The following IQCM variants were observed in gnomAD, a reference collection of about 807,000 sequenced individuals.
The protein encoded by IQCM is IQ domain-containing protein M.
Under a neutral mutation model 57.6 loss-of-function variants are expected in IQCM, and 45 were observed. That is an observed-to-expected ratio of 0.78 (90% CI 0.62 to 1.00). The LOEUF (loss-of-function observed/expected upper bound fraction) is 1.00. IQCM is among the 50% of genes least tolerant of loss of function. The pLI, the probability that IQCM is intolerant of heterozygous loss-of-function variation, is 0.00. For missense variants in IQCM, 468 were observed against 511.6 expected (o/e 0.91, Z 0.82); for synonymous variants, 148 against 158.9 (o/e 0.93, Z 0.51).
chr4:149,456,688 G>C (rs1433119169), intron 12 of IQCM, among the ~76,000 whole-genome samples: 1 of 151,976 alleles, frequency 6.6e-6, no homozygotes, highest in Non-Finnish European at 1.5e-5. Flanking sequence ...ACCTGCATAG[G>C]GAGAGAATCC....
intron 7 of IQCM, among the ~76,000 whole-genome samples, chr4:149,639,464 GAGA>G (rs932476118): frequency 8.0e-5 from 12 of 150,658 alleles, no homozygotes; most frequent in African/African-American, 2.4e-4. Flanking sequence ...GAAGGAGAAG[GAGA>G]AGAAGAAGAC....
At chr4:149,705,427 TA>T (rs1301873846) in intron 5 of IQCM, among the ~76,000 whole-genome samples, 1 of 151,310 alleles carries the variant, frequency 6.6e-6, no homozygotes, top group Non-Finnish European at 1.5e-5. Flanking sequence ...TAGACAGCAA[TA>T]GTTGTGGCAT....
intron 7 of IQCM, among the ~76,000 whole-genome samples, chr4:149,664,450 G>A (rs1344164466): frequency 6.6e-6 from 1 of 152,062 alleles, no homozygotes; most frequent in East Asian, 1.9e-4. Context: ...AGCTTTTGTA[G>A]GGAGAGACTT....
intron 12 of IQCM, among the ~76,000 whole-genome samples, chr4:149,457,436 T>A (rs1286064689): frequency 6.6e-6 from 1 of 152,062 alleles, no homozygotes; most frequent in East Asian, 1.9e-4. Context: ...CTTGCTCTCT[T>A]CTAATATGCA....
chr4:149,433,295 T>C (rs1735041562), intron 13 of IQCM, 101 bp downstream of exon 13: 2 of 506,430 alleles, frequency 3.9e-6, no homozygotes, highest in East Asian at 3.6e-5. Flanking sequence ...ATAAGATCTA[T>C]GTATCATCCC....
chr4:149,638,693 A>C (rs1757928327), intron 7 of IQCM, among the ~76,000 whole-genome samples: 1 of 152,234 alleles, frequency 6.6e-6, no homozygotes, highest in Non-Finnish European at 1.5e-5. Context: ...GACTAATTCC[A>C]ATCAGTGAAT....
intron 10 of IQCM, among the ~76,000 whole-genome samples, chr4:149,561,528 A>C (rs2149932121): frequency 6.6e-6 from 1 of 152,298 alleles, no homozygotes; most frequent in South Asian, 2.1e-4. Context: ...CAAATACAAT[A>C]GGTATTTGTT....
chr4:149,387,710 C>T (rs2111066553), intron 13 of IQCM, among the ~76,000 whole-genome samples: 1 of 151,990 alleles, frequency 6.6e-6, no homozygotes, highest in East Asian at 1.9e-4. Context: ...CCATAAATTT[C>T]ACTCCTTTAA....
chr4:149,496,978 A>T (rs551094348), intron 12 of IQCM, among the ~76,000 whole-genome samples: 1 of 152,294 alleles, frequency 6.6e-6, no homozygotes, highest in East Asian at 1.9e-4. Context: ...TAAGTGTAAT[A>T]AAATATTTTA....
chr4:149,568,083 C>G (rs1053695696), intron 9 of IQCM, among the ~76,000 whole-genome samples: 5 of 152,140 alleles, frequency 3.3e-5, no homozygotes, highest in African/African-American at 1.2e-4. Flanking sequence ...AGACCTCATG[C>G]CACTGCTGCT....
chr4:149,701,134 C>A (rs930006735), intron 5 of IQCM, among the ~76,000 whole-genome samples: 4 of 151,952 alleles, frequency 2.6e-5, no homozygotes, highest in Admixed American at 6.6e-5. Flanking sequence ...CATAGGCCCT[C>A]AATAATATTT....
At chr4:149,729,064 A>C (rs918156309) in intron 5 of IQCM, among the ~76,000 whole-genome samples, 2 of 152,232 alleles carry the variant, frequency 1.3e-5, no homozygotes, top group Admixed American at 6.5e-5. Flanking sequence ...GAAAGTAAAC[A>C]TAATAGTCAC....
At chr4:149,577,815 G>A (rs114026286) in intron 9 of IQCM, among the ~76,000 whole-genome samples, 2,773 of 151,856 alleles carry the variant, frequency 0.018, 34 homozygotes, top group Non-Finnish European at 0.026. Context: ...ACATTGCTTC[G>A]GGCGGTATGG....
At chr4:149,366,759 T>C (rs1285398485) in intron 13 of IQCM, among the ~76,000 whole-genome samples, 5 of 151,782 alleles carry the variant, frequency 3.3e-5, no homozygotes, top group Non-Finnish European at 7.4e-5. Flanking sequence ...CTAAAATGCA[T>C]TAAAAAAAGA....
At chr4:149,773,642 T>C (rs1580262142) in intron 2 of IQCM, among the ~76,000 whole-genome samples, 1 of 152,348 alleles carries the variant, frequency 6.6e-6, no homozygotes, top group African/African-American at 2.4e-5. Flanking sequence ...CATCATTTAA[T>C]AGCCAGTTAG....
chr4:149,452,913 A>G (rs1451519061), intron 12 of IQCM, among the ~76,000 whole-genome samples: 1 of 151,592 alleles, frequency 6.6e-6, no homozygotes, highest in East Asian at 1.9e-4. Context: ...AAAGCTTTAA[A>G]CAAATAGGAT....
chr4:149,619,005 A>G (rs1326430409), intron 8 of IQCM, among the ~76,000 whole-genome samples: 1 of 151,944 alleles, frequency 6.6e-6, no homozygotes, highest in Admixed American at 6.6e-5. Flanking sequence ...AAATCATTGT[A>G]TACACACATT....
intron 7 of IQCM, among the ~76,000 whole-genome samples, chr4:149,641,703 T>G (rs1309365869): frequency 3.9e-5 from 6 of 152,152 alleles, no homozygotes; most frequent in Admixed American, 3.9e-4. Context: ...TTTAGAACAT[T>G]AAAATTATCC....
intron 12 of IQCM, among the ~76,000 whole-genome samples, chr4:149,541,810 C>T (rs1050695781): frequency 4.0e-5 from 6 of 151,892 alleles, no homozygotes; most frequent in African/African-American, 1.2e-4. Context: ...AGTTTTAGAA[C>T]TGTGACCCAC....
Sources: allele counts gnomAD v4.1 joint callset (sites outside exome capture counted in the v4.1 genomes callset), GRCh38; gene constraint gnomAD v4.1.1; transcripts MANE v1.5; gene names NCBI Gene and HGNC (gene_info 2026-07-23, HGNC 2026-07-21).